The following SPATA6 variants were observed in gnomAD, a reference collection of about 807,000 sequenced individuals.
SPATA6 encodes the protein spermatogenesis-associated protein 6.
SPATA6 carries 56 observed loss-of-function variants against 65.3 expected under a neutral mutation model. The ratio of observed to expected loss-of-function variants is 0.86; its 90% CI spans 0.69 to 1.07. The LOEUF (loss-of-function observed/expected upper bound fraction) is 1.07, where lower values mean the gene tolerates loss of function less well. Among genes scored for constraint, SPATA6 ranks in the 50% least tolerant of loss-of-function variants. The pLI, the probability that SPATA6 is intolerant of heterozygous loss-of-function variation, is 0.00. For missense variants in SPATA6, 590 were observed against 594.8 expected, an observed-to-expected ratio of 0.99 and a Z score of 0.08; for synonymous variants, 199 against 213.2, an observed-to-expected ratio of 0.93 and a Z score of 0.58.
At chr1:48,287,358 G>T in the SPATA6 span, among the ~76,000 whole-genome samples, 8 of 152,190 alleles carry the variant, frequency 5.3e-5, no homozygotes, top group Non-Finnish European at 8.8e-5. Flanking sequence ...AACATTGGGG[G>T]TTACATTTCA....
intron 11 of SPATA6, among the ~76,000 whole-genome samples, chr1:48,317,489 G>A (rs1464521707): frequency 3.3e-5 from 5 of 151,718 alleles, no homozygotes; most frequent in Non-Finnish European, 1.5e-5. Context: ...AGAACACATG[G>A]ACACAGGAAG....
In SPATA6 at chr1:48,298,164, A is replaced by C. The variant is rs535776147; in HGVS notation, c.*549T>G. The C allele has an allele frequency of 6.6e-6, 1 of 152,352 alleles. No individual in the cohort carries two copies. The highest frequency in any genetic ancestry group is 2.1e-4 in the South Asian group (1 of 4,830). The allele number at this position is 152,352 out of a possible 1,614,324, so 9.4% of individuals were successfully genotyped here. ...AGTGAATGATCATATAGTCTTTAAA[A>C]AGAAAGCCTATGAGCTAAGAAATAG... On this transcript the variant is annotated 3_prime_UTR_variant, in exon 13 of 13. Transcript: ENST00000371847.
downstream of SPATA6, among the ~76,000 whole-genome samples, chr1:48,292,306 G>A (rs1439485677): frequency 6.6e-6 from 1 of 152,208 alleles, no homozygotes; most frequent in East Asian, 1.9e-4. Context: ...GTGTCCAGGA[G>A]GGACAGGAGT....
Position 48,462,758 on chromosome 1 carries a change from C to T in SPATA6, c.51+9200G>A, listed in dbSNP as rs367560317. 4.6e-5 allele frequency among the ~76,000 whole-genome samples: 7 copies of T among 152,232 alleles called. No individual in the cohort carries two copies. In the East Asian group the frequency reaches 1.2e-3, roughly 25 times the overall value. ...CATAATAACATAGAGACCTTGTTCACTAGCTATGATGGTTAATTTTATGTA... is the reference window on the plus strand; with the variant it reads ...CATAATAACATAGAGACCTTGTTCATTAGCTATGATGGTTAATTTTATGTA... On this transcript the variant is annotated intron_variant, in intron 1 of 12. Transcript: ENST00000371847.
At chr1:48,274,370 T>C in the SPATA6 span, among the ~76,000 whole-genome samples, 1 of 152,176 alleles carries the variant, frequency 6.6e-6, no homozygotes, top group Non-Finnish European at 1.5e-5. Flanking sequence ...ATATTTTGGT[T>C]TTTGTTGCCA....
In SPATA6 at chr1:48,453,046, C is replaced by T. The variant is rs201583206; in HGVS notation, c.137G>A (p.Cys46Tyr). 5.6e-6 allele frequency: 9 copies of T among 1,614,066 alleles called. No individual in the cohort carries two copies. The highest frequency in any genetic ancestry group is 7.6e-6 in the Non-Finnish European group (9 of 1,179,998). Residue 46 changes from cysteine (C) to tyrosine (Y), a missense_variant, in exon 2 of 13, where the codon TGT becomes TAT. Coordinates refer to ENST00000371847, the MANE Select transcript of SPATA6 (RefSeq NM_019073.4). ...GACCAGGGGAAAAGTGGCTGGGACACATTGTGTCTTTTTGTATTGGCCAAA... is the reference window on the plus strand; with the variant it reads ...GACCAGGGGAAAAGTGGCTGGGACATATTGTGTCTTTTTGTATTGGCCAAA... Reference protein sequence around the residue: ...CVFGQYKKTQCVPATFPLVFN... With the variant: ...CVFGQYKKTQYVPATFPLVFN...
chr1:48,305,839 T>G lies in SPATA6; in HGVS notation c.1234A>C (p.Lys412Gln). The G allele has an allele frequency of 6.2e-7, 1 of 1,612,430 alleles. No homozygotes were observed. Among genetic ancestry groups the G allele is most frequent in the South Asian group, 1.1e-5 (1 of 90,998 alleles). ...GAGTCTCTACATAAAAGACTTCTTT[T>G]CAGTTCCAGTTCATCATCTTTCTCT... is the stretch of plus-strand genomic sequence containing the variant. ...DLEKDDELEL[K>Q]RSLLCRDSAY... Residue 412 changes from lysine (K) to glutamine (Q), a missense_variant, in exon 12 of 13, where the codon AAA (lysine) becomes CAA (glutamine). Coordinates refer to ENST00000371847, the MANE Select transcript of SPATA6 (RefSeq NM_019073.4).
the SPATA6 span, among the ~76,000 whole-genome samples, chr1:48,273,703 T>C: frequency 3.3e-5 from 5 of 152,220 alleles, no homozygotes; most frequent in African/African-American, 1.2e-4. Context: ...GAGTATTCCA[T>C]GGTGTATATG....
intron 3 of SPATA6, among the ~76,000 whole-genome samples, chr1:48,423,312 C>T (rs1653521994): frequency 6.6e-6 from 1 of 151,746 alleles, no homozygotes; most frequent in Admixed American, 6.6e-5. Context: ...CAAAATTAGC[C>T]AGGCATGGTG....
At chr1:48,355,384 G>A (rs2148806033) in intron 11 of SPATA6, 1 of 224,066 alleles carries the variant, frequency 4.5e-6, no homozygotes, top group Non-Finnish European at 8.7e-6. Flanking sequence ...TTTGAAGGCT[G>A]TGAAATAATT....
In SPATA6 at chr1:48,452,952, G is replaced by A. The variant is rs773504757; in HGVS notation, c.189+42C>T. 306 of 1,591,658 alleles carry A rather than the reference G, an allele frequency of 1.9e-4. 4 individuals carry two copies. In the South Asian group the frequency reaches 3.5e-3, roughly 18 times the overall value. On this transcript the variant is annotated intron_variant, in intron 2 of 12. Transcript: ENST00000371847. ...TTTATTCAAAAATTGGAACCACTTT[G>A]ATGTTTTGTTTGTTAATACTTGATC...
At chr1:48,340,642 G>C (rs2148761449) in intron 11 of SPATA6, among the ~76,000 whole-genome samples, 1 of 150,920 alleles carries the variant, frequency 6.6e-6, no homozygotes, top group East Asian at 1.9e-4. Context: ...GTATGAAGGA[G>C]ATAAAAAAAG....
chr1:48,472,165 C>T lies in SPATA6; in HGVS notation c.-157G>A, dbSNP rs1658320338. 7 of 564,164 alleles carry T rather than the reference C, an allele frequency of 1.2e-5. No individual in the cohort carries two copies. The Admixed American group carries it at 2.4e-4, about 19-fold the overall frequency. The allele number at this position is 564,164 out of a possible 1,614,324, so 34.9% of individuals were successfully genotyped here. A position where few individuals can be genotyped will look rare whatever the true frequency, so the allele number is the denominator to read the frequency against. On this transcript the variant is annotated 5_prime_UTR_variant, in exon 1 of 13. Transcript: ENST00000371847. ...GCCCGCGGTCCAGCCTGGGTTCCGC[C>T]GGAGAAGCAGCTGAGCGCGGGGCGC... is the stretch of plus-strand genomic sequence containing the variant.
intron 8 of SPATA6, among the ~76,000 whole-genome samples, chr1:48,388,068 C>T (rs560671524): frequency 1.3e-5 from 2 of 152,268 alleles, no homozygotes; most frequent in East Asian, 3.9e-4. Context: ...CCAGTGCACA[C>T]CACTCTGGAG....
At chr1:48,367,692 C>CT (rs1263165668) in intron 9 of SPATA6, among the ~76,000 whole-genome samples, 1 of 152,136 alleles carries the variant, frequency 6.6e-6, no homozygotes, top group African/African-American at 2.4e-5. Flanking sequence ...ATGTGTGTCT[C>CT]TGCACATGAG....
At chr1:48,454,127 C>CA (rs894118893) in intron 1 of SPATA6, among the ~76,000 whole-genome samples, 6 of 149,224 alleles carry the variant, frequency 4.0e-5, no homozygotes, top group African/African-American at 7.4e-5. Context: ...GAAATATAGG[C>CA]AAAAAAATGT....
intron 9 of SPATA6, among the ~76,000 whole-genome samples, chr1:48,370,710 A>T (rs1647212822): frequency 6.6e-6 from 1 of 152,228 alleles, no homozygotes; most frequent in South Asian, 2.1e-4. Flanking sequence ...AGACGTTTTT[A>T]TTATCTGTAC....
rs1219973158 is a variant in SPATA6, at chr1:48,399,229, A to C, written c.780+122T>G. On this transcript the variant is annotated intron_variant, in intron 7 of 12. Coordinates refer to ENST00000371847, the MANE Select transcript of SPATA6 (RefSeq NM_019073.4). The stretch of plus-strand genomic sequence containing the variant: ...ATTTCCCATCTTAGACTGCTAGGGT[A>C]GCAGTCAGAAGAGAAAAGTATTATT... The C allele has an allele frequency of 2.6e-6, 3 of 1,136,232 alleles. No homozygotes were observed. In the Admixed American group the frequency reaches 8.4e-5, roughly 32 times the overall value. 70.4% of individuals were successfully genotyped at this position (1,136,232 alleles called of 1,614,324 possible). A position where few individuals can be genotyped will look rare whatever the true frequency, so the allele number is the denominator to read the frequency against.
At chr1:48,364,249 C>T (rs559852342) in intron 9 of SPATA6, among the ~76,000 whole-genome samples, 2 of 152,242 alleles carry the variant, frequency 1.3e-5, no homozygotes, top group East Asian at 1.9e-4. Context: ...GTGAATAGTG[C>T]CACAATAAAC....
Sources: gnomAD v4.1 joint callset for allele counts (sites outside exome capture counted in the v4.1 genomes callset) on GRCh38, gnomAD v4.1.1 for gene constraint, MANE v1.5 for transcripts, NCBI Gene and HGNC (gene_info 2026-07-23, HGNC 2026-07-21) for gene names.